COA1: variants seen among roughly 807,000 people sequenced by gnomAD.
COA1 encodes cytochrome c oxidase assembly factor 1.
Under a neutral mutation model 16.0 loss-of-function variants are expected in COA1, and 13 were observed. The ratio of observed to expected loss-of-function variants is 0.81; its 90% CI spans 0.53 to 1.29. The LOEUF (loss-of-function observed/expected upper bound fraction) is 1.29, where lower values mean the gene tolerates loss of function less well. Among genes scored for constraint, COA1 ranks in the 50% most tolerant of loss-of-function variants. The probability of loss-of-function intolerance (pLI) is 0.00; values close to 1 mark genes in which losing one functional copy is unlikely to be tolerated. For missense variants in COA1, 179 were observed against 177.0 expected (o/e 1.01, Z -0.06); for synonymous variants, 65 against 65.7 (o/e 0.99, Z 0.05).
At chr7:43,687,025 A>T (rs544844531) in intron 1 of COA1, among the ~76,000 whole-genome samples, 1 of 152,114 alleles carries the variant, frequency 6.6e-6, no homozygotes, top group African/African-American at 2.4e-5. Flanking sequence ...TTTATAATCA[A>T]TAGTCTTACT....
intron 1 of COA1, among the ~76,000 whole-genome samples, chr7:43,728,803 G>T (rs1447290221): frequency 6.6e-6 from 1 of 152,090 alleles, no homozygotes; most frequent in Non-Finnish European, 1.5e-5. Context: ...AGGAATCAGG[G>T]GAAGACCGGA....
At chr7:43,661,387 A>C (rs1163919404) in intron 1 of COA1, among the ~76,000 whole-genome samples, 1 of 152,210 alleles carries the variant, frequency 6.6e-6, no homozygotes, top group Non-Finnish European at 1.5e-5. Flanking sequence ...CTGTAATCCC[A>C]GCACTTTGGG....
chr7:43,704,314 T>C (rs976466796), intron 1 of COA1, among the ~76,000 whole-genome samples: 1 of 152,154 alleles, frequency 6.6e-6, no homozygotes, highest in South Asian at 2.1e-4. Flanking sequence ...GTATAGTATG[T>C]GGGTATGGTA....
intron 1 of COA1, among the ~76,000 whole-genome samples, chr7:43,654,792 G>A (rs534708775): frequency 9.9e-5 from 15 of 152,230 alleles, no homozygotes; most frequent in Admixed American, 2.6e-4. Flanking sequence ...TTCCAGTTCC[G>A]TTCACCAACA....
At chr7:43,678,097 T>C (rs1411604109) in intron 1 of COA1, among the ~76,000 whole-genome samples, 2 of 152,192 alleles carry the variant, frequency 1.3e-5, no homozygotes. Context: ...TTCCTATTAC[T>C]AATAACAGTG....
At chr7:43,719,259 C>T (rs1563480653) in intron 1 of COA1, among the ~76,000 whole-genome samples, 2 of 152,102 alleles carry the variant, frequency 1.3e-5, no homozygotes, top group African/African-American at 2.4e-5. Context: ...TGAGCCACCA[C>T]ACCTGGCCAA....
At chr7:43,672,400 C>G (rs973821459) in intron 1 of COA1, among the ~76,000 whole-genome samples, 3 of 152,162 alleles carry the variant, frequency 2.0e-5, no homozygotes, top group African/African-American at 7.2e-5. Flanking sequence ...ATCACATAAA[C>G]AGAAATAAAA....
chr7:43,677,211 T>C (rs965868135), intron 1 of COA1, among the ~76,000 whole-genome samples: 7 of 152,208 alleles, frequency 4.6e-5, no homozygotes, highest in Admixed American at 1.3e-4. Context: ...TTTCTAAACA[T>C]AACTTTTACA....
intron 1 of COA1, chr7:43,658,813 G>A (rs1414852417): frequency 2.0e-5 from 3 of 152,326 alleles, no homozygotes; most frequent in Non-Finnish European, 2.9e-5. Flanking sequence ...AAAACCAGGG[G>A]AAGGGCACGC....
chr7:43,645,974 G>C (rs2089177897), intron 3 of COA1: 1 of 153,364 alleles, frequency 6.5e-6, no homozygotes, highest in South Asian at 2.0e-4. Flanking sequence ...AACTCAAACT[G>C]CTCTCAGTCT....
intron 1 of COA1, among the ~76,000 whole-genome samples, chr7:43,708,801 C>T (rs199950951): frequency 6.6e-6 from 1 of 152,180 alleles, no homozygotes; most frequent in Admixed American, 6.5e-5. Context: ...TGTAGTCCTT[C>T]CCATATCCTA....
intron 1 of COA1, among the ~76,000 whole-genome samples, chr7:43,707,159 C>T (rs1241156866): frequency 2.0e-5 from 3 of 152,206 alleles, no homozygotes; most frequent in African/African-American, 7.2e-5. Flanking sequence ...CACTGCACTC[C>T]AGCCTGAGTG....
chr7:43,644,747 TAGATAGATAGATAGGCAGGCAGGC>T, intron 4 of COA1, among the ~76,000 whole-genome samples: 1 of 113,724 alleles, frequency 8.8e-6, no homozygotes, highest in East Asian at 2.2e-4. Flanking sequence ...GATAGATAGA[TAGATAGATAGATAGGCAGGCAGGC>T]AGGCAGGCAG....
chr7:43,683,688 T>C (rs1238993814), intron 1 of COA1, among the ~76,000 whole-genome samples: 3 of 152,198 alleles, frequency 2.0e-5, no homozygotes, highest in South Asian at 4.1e-4. Flanking sequence ...AGTTCAAATT[T>C]AGTACCTTTA....
intron 1 of COA1, among the ~76,000 whole-genome samples, chr7:43,673,276 T>A (rs2093359769): frequency 1.3e-5 from 2 of 152,058 alleles, no homozygotes; most frequent in South Asian, 4.1e-4. Flanking sequence ...CGGTCTAATA[T>A]CCAGAATCTA....
intron 6 of COA1, among the ~76,000 whole-genome samples, chr7:43,611,845 T>C (rs2082906840): frequency 6.6e-6 from 1 of 152,212 alleles, no homozygotes; most frequent in African/African-American, 2.4e-5. Flanking sequence ...CCAATTTAAA[T>C]AGCATTGCAC....
At chr7:43,659,173 T>C (rs2092162307) in intron 1 of COA1, 1 of 152,190 alleles carries the variant, frequency 6.6e-6, no homozygotes, top group Non-Finnish European at 1.5e-5. Flanking sequence ...ACTTGAGATA[T>C]GAAGCAGAAT....
At chr7:43,711,192 A>T (rs1014410396) in intron 1 of COA1, among the ~76,000 whole-genome samples, 2 of 152,170 alleles carry the variant, frequency 1.3e-5, no homozygotes, top group African/African-American at 4.8e-5. Context: ...ATGAAAAAAT[A>T]AGGGTCACTA....
chr7:43,655,666 A>T (rs1432523005), intron 1 of COA1, among the ~76,000 whole-genome samples: 1 of 152,194 alleles, frequency 6.6e-6, no homozygotes, highest in African/African-American at 2.4e-5. Flanking sequence ...AAAAAAAATT[A>T]AAAACTCCAG....
Sources: allele counts gnomAD v4.1 joint callset (sites outside exome capture counted in the v4.1 genomes callset), GRCh38; gene constraint gnomAD v4.1.1; transcripts MANE v1.5; gene names NCBI Gene and HGNC (gene_info 2026-07-23, HGNC 2026-07-21).